The following PRMT8 variants were observed in gnomAD, a reference collection of about 807,000 sequenced individuals.
The protein encoded by PRMT8 is protein arginine methyltransferase 8, also known as protein arginine N-methyltransferase 8.
Under a neutral mutation model 47.1 loss-of-function variants are expected in PRMT8, and 7 were observed. The observed-to-expected ratio is 0.15, with a 90% CI of 0.08 to 0.28. PRMT8 has a LOEUF of 0.28. Ranked by LOEUF, PRMT8 falls within the 10% of genes least tolerant of loss-of-function variation. The probability of loss-of-function intolerance (pLI) is 1.00; values close to 1 mark genes in which losing one functional copy is unlikely to be tolerated. For synonymous variants in PRMT8, 188 were observed against 186.5 expected (o/e 1.01, Z -0.07); for missense variants, 237 against 505.4 (o/e 0.47, Z 5.09).
intron 1 of PRMT8, among the ~76,000 whole-genome samples, chr12:3,437,646 A>G (rs1301709621): frequency 1.9e-5 from 2 of 103,774 alleles, no homozygotes; most frequent in Non-Finnish European, 4.3e-5. Context: ...ATATATATAT[A>G]TATATTGCAT....
intron 1 of PRMT8, among the ~76,000 whole-genome samples, chr12:3,496,208 A>G (rs1320981408): frequency 7.6e-5 from 1 of 13,110 alleles, no homozygotes; most frequent in Non-Finnish European, 1.4e-4. Context: ...TGATATATAT[A>G]TATATATTTT....
intron 1 of PRMT8, among the ~76,000 whole-genome samples, chr12:3,391,054 T>G (rs1565396544): frequency 1.3e-5 from 2 of 152,196 alleles, no homozygotes; most frequent in Admixed American, 6.5e-5. Flanking sequence ...GAGTGGGCTC[T>G]GAGGGGATTC....
chr12:3,423,063 C>T (rs1311199912), intron 1 of PRMT8, among the ~76,000 whole-genome samples: 1 of 152,210 alleles, frequency 6.6e-6, no homozygotes, highest in Non-Finnish European at 1.5e-5. Flanking sequence ...ACTTCTATTA[C>T]AAGAGTTTTA....
Position 3,491,360 on chromosome 12 carries a change from G to T in PRMT8, c.-266G>T. ...TCGAGCTTAGCCCGCAGCGCGGGTG[G>T]AGAGGGGCGGGGAGGGGGTCGGGGG... On this transcript the variant is annotated 5_prime_UTR_variant, in exon 1 of 10. Transcript: ENST00000382622. The T allele has an allele frequency of 8.5e-7, 1 of 1,180,860 alleles. No individual in the cohort carries two copies. The highest frequency in any genetic ancestry group is 1.0e-6 in the Non-Finnish European group (1 of 953,858). 73.1% of individuals were successfully genotyped at this position (1,180,860 alleles called of 1,614,324 possible).
chr12:3,585,194 T>C (rs1026668964), intron 8 of PRMT8, among the ~76,000 whole-genome samples: 1 of 152,052 alleles, frequency 6.6e-6, no homozygotes, highest in Non-Finnish European at 1.5e-5. Flanking sequence ...TAAGAATGTG[T>C]TCCTATTGAG....
rs1477791030 is a variant in PRMT8 at position 3,508,730 on chromosome 12, C to G, written c.75+17030C>G. Reference sequence around the variant, plus strand: ...ACCAGTTCCCATTCTCAGACTGCAGCCCACATCTCTCCTCTGAGATACGCG... The same window carrying G: ...ACCAGTTCCCATTCTCAGACTGCAGGCCACATCTCTCCTCTGAGATACGCG... On this transcript the variant is annotated intron_variant, in intron 1 of 9. Coordinates refer to ENST00000382622, the MANE Select transcript of PRMT8 (RefSeq NM_019854.5). This position sits in a 1 kb window ranked among gnomAD's most constrained non-coding sequence, Gnocchi z 4.9. Among the ~76,000 whole-genome samples, 1 of 152,176 alleles carries G rather than the reference C, an allele frequency of 6.6e-6. No homozygotes were observed. The highest frequency in any genetic ancestry group is 1.5e-5 in the Non-Finnish European group (1 of 68,036).
At chr12:3,523,195 T>G (rs958279517) in intron 1 of PRMT8, among the ~76,000 whole-genome samples, 3 of 152,222 alleles carry the variant, frequency 2.0e-5, no homozygotes, top group Non-Finnish European at 4.4e-5. Context: ...CTAGCTGAAA[T>G]GGGGTCTGGT....
chr12:3,432,058 C>T (rs1166887933), intron 1 of PRMT8, among the ~76,000 whole-genome samples: 1 of 152,134 alleles, frequency 6.6e-6, no homozygotes, highest in Non-Finnish European at 1.5e-5. Flanking sequence ...CAAGTGCCCC[C>T]AAGTCCCCCT....
At chr12:3,411,165 C>T (rs1009627432) in intron 1 of PRMT8, among the ~76,000 whole-genome samples, 2 of 152,220 alleles carry the variant, frequency 1.3e-5, no homozygotes, top group Non-Finnish European at 2.9e-5. Context: ...TCCTCCCTGG[C>T]AGAACCTGCC....
At chr12:3,388,747 C>T (rs901375420) in intron 1 of PRMT8, among the ~76,000 whole-genome samples, 3 of 152,238 alleles carry the variant, frequency 2.0e-5, no homozygotes, top group Non-Finnish European at 4.4e-5. Context: ...ACCTACTACA[C>T]TGCACTAGCT....
chr12:3,407,066 A>G (rs1010800968), intron 1 of PRMT8, among the ~76,000 whole-genome samples: 4 of 152,200 alleles, frequency 2.6e-5, no homozygotes, highest in African/African-American at 9.7e-5. Flanking sequence ...GAAACTTACA[A>G]TCATGACAGA....
intron 1 of PRMT8, among the ~76,000 whole-genome samples, chr12:3,403,708 G>C (rs980517436): frequency 6.6e-6 from 1 of 151,352 alleles, no homozygotes; most frequent in African/African-American, 2.4e-5. Context: ...GTGAAACCCC[G>C]TCTCTACTAA....
chr12:3,489,669 T>A (rs1430811406), upstream of PRMT8, among the ~76,000 whole-genome samples: 2 of 152,124 alleles, frequency 1.3e-5, no homozygotes, highest in Non-Finnish European at 2.9e-5. Context: ...TCCTACCACT[T>A]TCTGCATGTT....
At chr12:3,423,262 A>G (rs1864563518) in intron 1 of PRMT8, among the ~76,000 whole-genome samples, 1 of 152,220 alleles carries the variant, frequency 6.6e-6, no homozygotes, top group Non-Finnish European at 1.5e-5. Flanking sequence ...CTTCAGCTGC[A>G]AGTAGTTGAG....
intron 1 of PRMT8, among the ~76,000 whole-genome samples, chr12:3,411,348 C>A (rs1864427952): frequency 6.6e-6 from 1 of 152,186 alleles, no homozygotes; most frequent in Admixed American, 6.5e-5. Flanking sequence ...CAGATTGTAG[C>A]ACTACAAAAT....
chr12:3,544,155 A>C (rs1866284446), intron 2 of PRMT8, among the ~76,000 whole-genome samples: 1 of 152,228 alleles, frequency 6.6e-6, no homozygotes. Flanking sequence ...ATCCACAGCT[A>C]GAGGCTGGGA....
At chr12:3,584,210 G>T (rs1591616134) in intron 8 of PRMT8, among the ~76,000 whole-genome samples, 1 of 152,238 alleles carries the variant, frequency 6.6e-6, no homozygotes, top group Admixed American at 6.5e-5. Flanking sequence ...TCCTCACGTG[G>T]TCTTTCCTCT....
intron 4 of PRMT8, 46 bp from the exon 5 acceptor site, chr12:3,568,660 G>A: frequency 1.9e-6 from 3 of 1,611,780 alleles, no homozygotes; most frequent in Non-Finnish European, 2.5e-6. Flanking sequence ...TGTGGTTCCT[G>A]GGTGGGGTCC....
chr12:3,452,489 C>T (rs974184761), intron 1 of PRMT8, among the ~76,000 whole-genome samples: 8 of 152,130 alleles, frequency 5.3e-5, no homozygotes, highest in East Asian at 1.9e-4. Flanking sequence ...ATGTCCTAAG[C>T]GGTCTCCTCG....
Sources: allele counts gnomAD v4.1 joint callset (sites outside exome capture counted in the v4.1 genomes callset), GRCh38; gene constraint gnomAD v4.1.1; non-coding constraint Gnocchi (gnomAD v3.1); transcripts MANE v1.5; gene names NCBI Gene and HGNC (gene_info 2026-07-23, HGNC 2026-07-21).